Variants in KCNMA1 observed in about 807,000 individuals in gnomAD.
KCNMA1 encodes the protein Calcium-activated potassium channel subunit alpha-1.
In KCNMA1, 29 loss-of-function variants were observed where a neutral mutation model predicts 140.0. The ratio of observed to expected loss-of-function variants is 0.21; its 90% CI spans 0.15 to 0.28. KCNMA1 has a LOEUF of 0.28. Ranked by LOEUF, KCNMA1 falls within the 10% of genes least tolerant of loss-of-function variation. The pLI is 1.00. For missense variants in KCNMA1, 880 were observed against 1,602.2 expected, an observed-to-expected ratio of 0.55 and a Z score of 7.70; for synonymous variants, 612 against 611.9, an observed-to-expected ratio of 1.00 and a Z score of 0.00.
intron 1 of KCNMA1, among the ~76,000 whole-genome samples, chr10:77,571,719 C>T (rs567462244): frequency 1.3e-5 from 2 of 152,270 alleles, no homozygotes; most frequent in East Asian, 3.9e-4. Flanking sequence ...ATTCTAAAGG[C>T]CATGCTTTCA....
intron 2 of KCNMA1, among the ~76,000 whole-genome samples, chr10:77,376,199 G>A (rs1273955338): frequency 6.6e-6 from 1 of 152,158 alleles, no homozygotes. Context: ...ACCACCCAGG[G>A]GGCTGCCGTG....
chr10:77,393,575 T>C, intron 2 of KCNMA1, among the ~76,000 whole-genome samples: 1 of 152,196 alleles, frequency 6.6e-6, no homozygotes, highest in Non-Finnish European at 1.5e-5. Flanking sequence ...CTGAGACAGA[T>C]GGAGCTGGGA....
At chr10:76,998,984 G>A (rs1388020949) in intron 19 of KCNMA1, among the ~76,000 whole-genome samples, 1 of 152,202 alleles carries the variant, frequency 6.6e-6, no homozygotes, top group South Asian at 2.1e-4. Flanking sequence ...CTGATGAAAC[G>A]GAGAAGGCAA....
intron 1 of KCNMA1, among the ~76,000 whole-genome samples, chr10:77,587,361 T>C (rs1022158077): frequency 6.6e-6 from 1 of 152,130 alleles, no homozygotes; most frequent in Non-Finnish European, 1.5e-5. Flanking sequence ...ATGAAACATT[T>C]GCACTTCTCT....
At chr10:77,466,065 G>C (rs2154526508) in intron 1 of KCNMA1, among the ~76,000 whole-genome samples, 1 of 152,318 alleles carries the variant, frequency 6.6e-6, no homozygotes, top group South Asian at 2.1e-4. Flanking sequence ...GGGAGCATCA[G>C]GAACTAAGGC....
intron 2 of KCNMA1, among the ~76,000 whole-genome samples, chr10:77,398,009 T>A (rs896285010): frequency 5.9e-5 from 9 of 151,560 alleles, no homozygotes; most frequent in Non-Finnish European, 1.0e-4. Context: ...AAATGTAATA[T>A]ATATACATAT....
At chr10:77,461,302 A>AGTTGCTC (rs1482835113) in intron 1 of KCNMA1, among the ~76,000 whole-genome samples, 1 of 151,586 alleles carries the variant, frequency 6.6e-6, no homozygotes, top group Non-Finnish European at 1.5e-5. Flanking sequence ...ACCACTTCCA[A>AGTTGCTC]GTTGCTCTTC....
intron 1 of KCNMA1, among the ~76,000 whole-genome samples, chr10:77,622,986 T>C (rs1473529499): frequency 1.3e-5 from 2 of 152,212 alleles, no homozygotes; most frequent in Non-Finnish European, 1.5e-5. Flanking sequence ...AAAAGGAACA[T>C]GGGTGAACAG....
chr10:77,352,059 C>A (rs1240910327), intron 2 of KCNMA1, among the ~76,000 whole-genome samples: 1 of 152,236 alleles, frequency 6.6e-6, no homozygotes, highest in African/African-American at 2.4e-5. Flanking sequence ...CTCTTAAACA[C>A]AAACAAGATC....
intron 2 of KCNMA1, among the ~76,000 whole-genome samples, chr10:77,352,619 A>AGG (rs1286748442): frequency 1.6e-5 from 2 of 125,954 alleles, no homozygotes; most frequent in Non-Finnish European, 3.4e-5. Flanking sequence ...CTTGCAGTAC[A>AGG]GGGTGTGTGT....
intron 1 of KCNMA1, among the ~76,000 whole-genome samples, chr10:77,591,067 C>T (rs1190771913): frequency 6.6e-6 from 1 of 152,162 alleles, no homozygotes; most frequent in Non-Finnish European, 1.5e-5. Flanking sequence ...GGCAGATAAA[C>T]ACATTAAGGC....
intron 2 of KCNMA1, among the ~76,000 whole-genome samples, chr10:77,283,924 G>T (rs560510205): frequency 6.6e-6 from 1 of 152,154 alleles, no homozygotes; most frequent in Non-Finnish European, 1.5e-5. Context: ...CAAGAAAGTC[G>T]CACTGGAGCT....
intron 14 of KCNMA1, among the ~76,000 whole-genome samples, chr10:77,065,902 C>T (rs2095920678): frequency 6.6e-6 from 1 of 152,104 alleles, no homozygotes; most frequent in African/African-American, 2.4e-5. Flanking sequence ...GGGAGCCAAG[C>T]AGCTGCTCAG....
intron 14 of KCNMA1, among the ~76,000 whole-genome samples, chr10:77,044,035 G>GT (rs1212806002): frequency 6.6e-6 from 1 of 152,136 alleles, no homozygotes; most frequent in Admixed American, 6.5e-5. Flanking sequence ...AAACCCTTAT[G>GT]TATAACATAA....
intron 20 of KCNMA1, among the ~76,000 whole-genome samples, chr10:76,960,133 A>G (rs1254927966): frequency 6.6e-6 from 1 of 152,244 alleles, no homozygotes; most frequent in African/African-American, 2.4e-5. Flanking sequence ...AGGCATTTAC[A>G]AAATGCACCA....
chr10:77,019,185 G>T, intron 16 of KCNMA1, 86 bp from the exon 17 acceptor site: 1 of 780,964 alleles, frequency 1.3e-6, no homozygotes, highest in Non-Finnish European at 2.2e-6. Flanking sequence ...CCATACTGTT[G>T]TGTTTATAGG....
intron 2 of KCNMA1, among the ~76,000 whole-genome samples, chr10:77,375,840 C>T (rs941412346): frequency 1.4e-4 from 22 of 152,202 alleles, no homozygotes; most frequent in Non-Finnish European, 1.5e-5. Context: ...GCACTCATTC[C>T]AGCACAATGC....
chr10:77,507,670 T>C (rs1304350762), intron 1 of KCNMA1, among the ~76,000 whole-genome samples: 1 of 152,210 alleles, frequency 6.6e-6, no homozygotes, highest in Non-Finnish European at 1.5e-5. Context: ...GGGACCAGAC[T>C]GCCTTCCTGT....
chr10:76,914,859 T>C (rs113613300), intron 24 of KCNMA1, 77 bp downstream of exon 24: 21 of 1,117,294 alleles, frequency 1.9e-5, no homozygotes, highest in African/African-American at 6.1e-5. Context: ...GGCTAAGAAA[T>C]AAACCAACCT....
Sources: gnomAD v4.1 joint callset for allele counts (sites outside exome capture counted in the v4.1 genomes callset) on GRCh38, gnomAD v4.1.1 for gene constraint, MANE v1.5 for transcripts, NCBI Gene and HGNC (gene_info 2026-07-23, HGNC 2026-07-21) for gene names.